SLC38A11: variants seen among roughly 807,000 people sequenced by gnomAD.
The protein encoded by SLC38A11 is putative sodium-coupled neutral amino acid transporter 11.
A neutral mutation model predicts 49.4 loss-of-function variants in SLC38A11; 51 were observed. The observed-to-expected ratio is 1.03, with a 90% CI of 0.83 to 1.30. The LOEUF (loss-of-function observed/expected upper bound fraction) is 1.30. Among genes scored for constraint, SLC38A11 ranks in the 50% most tolerant of loss-of-function variants. The pLI, the probability that SLC38A11 is intolerant of heterozygous loss-of-function variation, is 0.00. For missense variants in SLC38A11, 574 were observed against 556.2 expected (o/e 1.03, Z -0.32); for synonymous variants, 203 against 192.9 (o/e 1.05, Z -0.43).
At chr2:164,910,723 C>T (rs1397113521) in intron 10 of SLC38A11, among the ~76,000 whole-genome samples, 1 of 152,090 alleles carries the variant, frequency 6.6e-6, no homozygotes, top group African/African-American at 2.4e-5. Context: ...GACCCTTTCA[C>T]ATGGTGCACT....
Position 164,904,980 on chromosome 2 carries a change from C to A in SLC38A11, c.1095+3660G>T, listed in dbSNP as rs569202756. ...ATTTTTTTACTTGTAACTAGTATGA[C>A]CTCAGAGTATTTAATCATGCAGTGC... On this transcript the variant is annotated intron_variant, in intron 11 of 11. Coordinates refer to ENST00000685975, the MANE Select transcript of SLC38A11 (RefSeq NM_001351537.2). 3.3e-5 allele frequency among the ~76,000 whole-genome samples: 5 copies of A among 152,038 alleles called. No homozygotes were observed. In the South Asian group the frequency reaches 1.0e-3, roughly 32 times the overall value.
intron 10 of SLC38A11, among the ~76,000 whole-genome samples, chr2:164,910,374 A>G (rs1685314672): frequency 6.6e-6 from 1 of 152,054 alleles, no homozygotes; most frequent in Non-Finnish European, 1.5e-5. Flanking sequence ...TTAGATTTGA[A>G]CCTACGTACT....
At chr2:164,906,408 C>T (rs62175628) in intron 11 of SLC38A11, among the ~76,000 whole-genome samples, 2,623 of 152,144 alleles carry the variant, frequency 0.017, 35 homozygotes, top group Middle Eastern at 0.071. Flanking sequence ...AACTGTAGTC[C>T]CAAGGTGCAA....
At chr2:164,949,930 T>C (rs948360274) in intron 3 of SLC38A11, 1 of 152,074 alleles carries the variant, frequency 6.6e-6, no homozygotes, top group South Asian at 2.1e-4. Context: ...TTGTTGTCCT[T>C]ACAGAGTCTC....
At chr2:164,907,468 G>A (rs547786048) in intron 11 of SLC38A11, among the ~76,000 whole-genome samples, 2 of 151,514 alleles carry the variant, frequency 1.3e-5, no homozygotes, top group East Asian at 3.9e-4. Context: ...GTTTCACTGT[G>A]TTGCCCAGGC....
chr2:164,946,483 T>G (rs1230321003), intron 3 of SLC38A11, among the ~76,000 whole-genome samples: 1 of 145,326 alleles, frequency 6.9e-6, no homozygotes, highest in Non-Finnish European at 1.5e-5. Context: ...GGAGAATCGC[T>G]CAAATCCAGG....
At chr2:164,905,600 C>T (rs766018223) in intron 11 of SLC38A11, among the ~76,000 whole-genome samples, 22 of 152,094 alleles carry the variant, frequency 1.4e-4, no homozygotes, top group Admixed American at 1.3e-4. Flanking sequence ...TACGTTCTTA[C>T]GCACACCAAA....
rs910429352 is a variant in SLC38A11, at chr2:164,937,496, C to A, written c.538-67G>T. ...AATTATTTTATTTAAAATGTTAAGT[C>A]TTTCTCATTTTTAATTGGGTAAACT... On this transcript the variant is annotated intron_variant, in intron 6 of 11. Coordinates refer to ENST00000685975, the MANE Select transcript of SLC38A11 (RefSeq NM_001351537.2). 3.7e-6 allele frequency: 4 copies of A among 1,081,608 alleles called. No homozygotes were observed. The Admixed American group carries it at 5.9e-5, about 16-fold the overall frequency. The allele number at this position is 1,081,608 out of a possible 1,614,324, so 67.0% of individuals were successfully genotyped here. A position where few individuals can be genotyped will look rare whatever the true frequency, so the allele number is the denominator to read the frequency against.
At chr2:164,939,419 T>C (rs1687592903) in intron 6 of SLC38A11, 31 bp downstream of exon 6, 3 of 1,467,306 alleles carry the variant, frequency 2.0e-6, no homozygotes, top group Non-Finnish European at 9.5e-7. Context: ...ACAAGGTACA[T>C]TTCTATGCCC....
In SLC38A11 at chr2:164,945,580, A is replaced by G. The variant is rs1351639056; in HGVS notation, c.364+13T>C. On this transcript the variant is annotated intron_variant, in intron 4 of 11. Coordinates refer to ENST00000685975, the MANE Select transcript of SLC38A11 (RefSeq NM_001351537.2). ...GCACATAATTGCAATATTTATCTTC[A>G]CAGTCAACTTACCTATAAAAGGATA... The G allele has an allele frequency of 2.5e-6, 4 of 1,579,574 alleles. No homozygotes were observed. In the South Asian group the frequency reaches 4.7e-5, roughly 19 times the overall value.
chr2:164,939,647 C>T, intron 5 of SLC38A11, 91 bp from the exon 6 acceptor site: 1 of 717,292 alleles, frequency 1.4e-6, no homozygotes, highest in African/African-American at 1.8e-5. Context: ...ATAAAAATTA[C>T]TTAAACATAA....
At chr2:164,941,120 A>T (rs754376096) in intron 5 of SLC38A11, among the ~76,000 whole-genome samples, 9 of 152,124 alleles carry the variant, frequency 5.9e-5, no homozygotes, top group Admixed American at 2.0e-4. Context: ...TGCTCTAATG[A>T]TGAGATCTAT....
chr2:164,926,113 G>C (rs17353562), intron 7 of SLC38A11, among the ~76,000 whole-genome samples: 11,834 of 152,058 alleles, frequency 0.078, 496 homozygotes, highest in Admixed American at 0.11. Flanking sequence ...TGGATGCTTG[G>C]TTTGCTATAG....
chr2:164,945,611 A>G lies in SLC38A11; in HGVS notation c.346T>C (p.Phe116Leu). 6.3e-7 allele frequency: 1 copy of G among 1,597,436 alleles called. No individual in the cohort carries two copies. Among genetic ancestry groups the G allele is most frequent in the Non-Finnish European group, 8.5e-7 (1 of 1,176,420 alleles). The change falls in exon 4 of 12, where the codon TTT (phenylalanine) becomes CTT (leucine). Residue 116 changes from phenylalanine to leucine, a missense_variant. Phe to Leu is a conservative substitution (Grantham distance 22, BLOSUM62 0). Coordinates refer to ENST00000685975, the MANE Select transcript of SLC38A11 (RefSeq NM_001351537.2). ...PGYLLLSVLQ[F>L]LYPFIAMISY... ...AACTTACCTATAAAAGGATACAAAAACTGAAGAACAGAGAGGAGCAGATAC... is the reference window on the plus strand; with the variant it reads ...AACTTACCTATAAAAGGATACAAAAGCTGAAGAACAGAGAGGAGCAGATAC...
intron 5 of SLC38A11, 67 bp downstream of exon 5, chr2:164,944,502 A>G (rs1436546773): frequency 4.4e-5 from 28 of 643,488 alleles, no homozygotes; most frequent in Non-Finnish European, 6.4e-5. Context: ...ATTATGAACC[A>G]TGTTAACTAT....
At position 164,935,878 on chromosome 2, in the gene SLC38A11, G is replaced by A. The variant is rs1035938671; in HGVS notation, c.617+1472C>T. ...GTGGAGCCCTCACTCTGGGACTGGA[G>A]CCCTTATAAGAAGAGACTTCTGAGA... On this transcript the variant is annotated intron_variant, in intron 7 of 11. Transcript: ENST00000685975. 3.9e-5 allele frequency among the ~76,000 whole-genome samples: 6 copies of A among 152,146 alleles called. No homozygotes were observed. In the East Asian group the frequency reaches 1.2e-3, roughly 30 times the overall value.
intron 2 of SLC38A11, 37 bp from the exon 3 acceptor site, chr2:164,952,818 C>G: frequency 6.7e-6 from 10 of 1,494,384 alleles, no homozygotes; most frequent in Non-Finnish European, 9.2e-6. Context: ...TTCACATTAA[C>G]AAGAAAGCTA....
At chr2:164,920,278 TAAA>T (rs57519342) in intron 7 of SLC38A11, among the ~76,000 whole-genome samples, 23 of 133,954 alleles carry the variant, frequency 1.7e-4, no homozygotes, top group East Asian at 2.2e-4. Context: ...AAGACTCCGT[TAAA>T]AAAAAAAAAA....
chr2:164,950,940 A>G (rs907047021), intron 3 of SLC38A11, among the ~76,000 whole-genome samples: 1 of 152,150 alleles, frequency 6.6e-6, no homozygotes, highest in African/African-American at 2.4e-5. Context: ...GAATCAGCCT[A>G]TATTTTTTTT....
Sources: allele counts gnomAD v4.1 joint callset (sites outside exome capture counted in the v4.1 genomes callset), GRCh38; gene constraint gnomAD v4.1.1; transcripts MANE v1.5; gene names NCBI Gene and HGNC (gene_info 2026-07-23, HGNC 2026-07-21).